Variants in UCKL1 observed in about 807,000 individuals in gnomAD.
UCKL1 encodes uridine-cytidine kinase-like 1.
Under a neutral mutation model 59.2 loss-of-function variants are expected in UCKL1, and 65 were observed. The observed-to-expected ratio is 1.10, with a 90% CI of 0.90 to 1.35. The LOEUF (loss-of-function observed/expected upper bound fraction) is 1.35. Among genes scored for constraint, UCKL1 ranks in the 40% most tolerant of loss-of-function variants. UCKL1 has a pLI of 0.00. For synonymous variants in UCKL1, 410 were observed against 323.1 expected (o/e 1.27, Z -2.88); for missense variants, 703 against 784.3 (o/e 0.90, Z 1.24).
Position 63,946,602 on chromosome 20 carries a change from C to T in UCKL1, c.155G>A (p.Gly52Asp), listed in dbSNP as rs146302159. ...ESLDRLLPPV[G>D]TGRSPRKRTT... Reference sequence around the variant, plus strand: ...CCGCTTCCGGGGAGAGCGCCCAGTGCCCACAGGTGGCAGGAGCCTGTCCAG... The same window carrying T: ...CCGCTTCCGGGGAGAGCGCCCAGTGTCCACAGGTGGCAGGAGCCTGTCCAG... Residue 52 changes from glycine (G) to aspartate (D), a missense_variant, in exon 2 of 15, where the codon GGC becomes GAC. Gly to Asp is a moderately conservative substitution (Grantham distance 94). Transcript: ENST00000354216. 9 of 1,610,672 alleles carry T rather than the reference C, an allele frequency of 5.6e-6. No homozygotes were observed. The highest frequency in any genetic ancestry group is 1.3e-5 in the African/African-American group (1 of 74,936).
rs771716144 is a variant in UCKL1 at position 63,945,851 on chromosome 20, T to G, written c.536A>C (p.Lys179Thr). The stretch of plus-strand genomic sequence containing the variant: ...CGTGGTGAAGTCATAAATGGGCACC[T>G]TGACACTCTTCCCCTGCTTCAGCTT... ...LKKLKQGKSV[K>T]VPIYDFTTHS... is the part of the protein sequence containing the mutation. The change falls in exon 4 of 15, where the codon AAG becomes ACG. Residue 179 changes from lysine (K) to threonine (T), a missense_variant. This residue lies in a region of UCKL1 where 398 missense variants were observed against 373.0 expected (regional missense o/e 1.07). Coordinates refer to ENST00000354216, the MANE Select transcript of UCKL1 (RefSeq NM_017859.4). 1 of 1,613,672 alleles carries G rather than the reference T, an allele frequency of 6.2e-7. No homozygotes were observed. The highest frequency in any genetic ancestry group is 8.5e-7 in the Non-Finnish European group (1 of 1,179,952).
In UCKL1 at chr20:63,946,642, T is replaced by C. The variant is rs1445563996; in HGVS notation, c.115A>G (p.Ser39Gly). 2 of 1,607,024 alleles carry C rather than the reference T, an allele frequency of 1.2e-6. No homozygotes were observed. The highest frequency in any genetic ancestry group is 3.3e-4 in the Middle Eastern group (2 of 5,992). ...AGCCTGTCCAGGGACTCTGCATTGCTGCTGCAGAGAGGGATGTACTCGGAT... is the reference window on the plus strand; with the variant it reads ...AGCCTGTCCAGGGACTCTGCATTGCCGCTGCAGAGAGGGATGTACTCGGAT... ...EKSETACEDRSNAESLDRLLP... is the reference protein window; with the variant it reads ...EKSETACEDRGNAESLDRLLP... The change falls in exon 2 of 15, where the codon AGC becomes GGC. Residue 39 changes from serine to glycine, a missense_variant and splice_region_variant. Around this residue, in one of 4 missense-constraint regions of UCKL1, gnomAD observed 398 missense variants for 373.0 expected, o/e 1.07. Transcript: ENST00000354216.
Position 63,939,897 on chromosome 20 carries a change from A to AATT in UCKL1, c.*76_*78dup. Reference sequence around the variant, plus strand: ...TAAATTATACTAGTAACATTTTAAAAATTAACATCTTTGTATTCAGCAGTC... The same window carrying AATT: ...TAAATTATACTAGTAACATTTTAAAAATTATTAACATCTTTGTATTCAGCAGTC... On this transcript the variant is annotated 3_prime_UTR_variant, in exon 15 of 15. Coordinates refer to ENST00000354216, the MANE Select transcript of UCKL1 (RefSeq NM_017859.4). 1 of 1,216,422 alleles carries AATT rather than the reference A, an allele frequency of 8.2e-7. No individual in the cohort carries two copies. The highest frequency in any genetic ancestry group is 1.2e-6 in the Non-Finnish European group (1 of 848,002). 75.4% of individuals were successfully genotyped at this position (1,216,422 alleles called of 1,614,324 possible). A position where few individuals can be genotyped will look rare whatever the true frequency, so the allele number is the denominator to read the frequency against.
At chr20:63,951,601 G>T (rs1224765492) in intron 1 of UCKL1, among the ~76,000 whole-genome samples, 1 of 152,112 alleles carries the variant, frequency 6.6e-6, no homozygotes, top group African/African-American at 2.4e-5. Context: ...CCCCACTCAC[G>T]GGGGATCCTG....
rs900365985 is a variant in UCKL1, at chr20:63,945,504, C to CTGGGGT, written c.654+141_654+146dup. ...GCAGATGGACCCAGCTGTGGCATGC[C>CTGGGGT]TGGGGTTGGGGTTGGGGTAGGGAGT... On this transcript the variant is annotated intron_variant, in intron 5 of 14. Coordinates refer to ENST00000354216, the MANE Select transcript of UCKL1 (RefSeq NM_017859.4). The CTGGGGT allele has an allele frequency of 4.1e-5, 32 of 788,048 alleles. No homozygotes were observed. The Admixed American group carries it at 4.8e-4, about 12-fold the overall frequency. 48.8% of individuals were successfully genotyped at this position (788,048 alleles called of 1,614,324 possible). A position where few individuals can be genotyped will look rare whatever the true frequency, so the allele number is the denominator to read the frequency against.
intron 8 of UCKL1, among the ~76,000 whole-genome samples, chr20:63,943,345 G>C (rs1369874441): frequency 2.6e-5 from 4 of 152,222 alleles, no homozygotes; most frequent in Non-Finnish European, 5.9e-5. Context: ...TGCTGGCTCA[G>C]GAGGACAGCT....
At position 63,939,870 on chromosome 20, in the gene UCKL1, A is replaced by G. The variant is rs914499190; in HGVS notation, c.*106T>C. On this transcript the variant is annotated 3_prime_UTR_variant, in exon 15 of 15. Transcript: ENST00000354216. ...TTTATTTATTTTATAAAATGCATAG[A>G]ATAAATTATACTAGTAACATTTTAA... The G allele has an allele frequency of 8.2e-6, 8 of 979,260 alleles. No individual in the cohort carries two copies. The highest frequency in any genetic ancestry group is 7.6e-6 in the Non-Finnish European group (5 of 657,074). The allele number at this position is 979,260 out of a possible 1,614,324, so 60.7% of individuals were successfully genotyped here.
rs144072009 is a variant in UCKL1, at chr20:63,940,283, C to T, written c.1434G>A (p.Lys478=). ...CCATGAGCAGCGACAGCAAAAAGAT[C>T]TTGTCCTCAGGCACGTCGTGGTCCT... ...VLLDHDVPED[K]IFLLSLLMAE... The change falls in exon 14 of 15, where the codon AAG becomes AAA. Residue 478 remains lysine (K), a synonymous_variant. Coordinates refer to ENST00000354216, the MANE Select transcript of UCKL1 (RefSeq NM_017859.4). The T allele has an allele frequency of 2.5e-6, 4 of 1,612,620 alleles. No individual in the cohort carries two copies. The highest frequency in any genetic ancestry group is 2.7e-5 in the African/African-American group (2 of 74,948).
At chr20:63,940,554 C>T (rs760905295) in intron 12 of UCKL1, 40 bp downstream of exon 12, 7 of 1,604,068 alleles carry the variant, frequency 4.4e-6, no homozygotes, top group African/African-American at 2.7e-5. Flanking sequence ...TCCCTCTGCC[C>T]CCTACCCCCG....
chr20:63,944,338 G>T, intron 7 of UCKL1, 59 bp downstream of exon 7: 1 of 1,487,984 alleles, frequency 6.7e-7, no homozygotes. Context: ...GGTGGTGGCA[G>T]CGGAGAAGTG....
At position 63,945,684 on chromosome 20, in the gene UCKL1, G is replaced by C. The variant is rs1017034626; in HGVS notation, c.621C>G (p.Gly207=). The change falls in exon 5 of 15, where the codon GGC becomes GGG. Residue 207 remains glycine, a synonymous_variant. Coordinates refer to ENST00000354216, the MANE Select transcript of UCKL1 (RefSeq NM_017859.4). ...LYGANVIIFE[G]IMAFADKTLL... ...GTGTCTTGTCAGCAAAGGCCATGATGCCCTCAAAGATGATGACGTTTGCAC... is the reference window on the plus strand; with the variant it reads ...GTGTCTTGTCAGCAAAGGCCATGATCCCCTCAAAGATGATGACGTTTGCAC... 1 of 1,612,996 alleles carries C rather than the reference G, an allele frequency of 6.2e-7. No individual in the cohort carries two copies. Among genetic ancestry groups the C allele is most frequent in the African/African-American group, 1.3e-5 (1 of 74,936 alleles).
chr20:63,947,993 G>A (rs2056704473), intron 1 of UCKL1, among the ~76,000 whole-genome samples: 2 of 151,838 alleles, frequency 1.3e-5, no homozygotes, highest in East Asian at 1.9e-4. Flanking sequence ...TGCCCTGCTG[G>A]GGGGTTGGGG....
rs1255656829 is a variant in UCKL1 at position 63,956,374 on chromosome 20, G to A, written c.-2C>T. 1 of 1,495,982 alleles carries A rather than the reference G, an allele frequency of 6.7e-7. No homozygotes were observed. The highest frequency in any genetic ancestry group is 8.9e-7 in the Non-Finnish European group (1 of 1,125,134). The allele number at this position is 1,495,982 out of a possible 1,614,324, so 92.7% of individuals were successfully genotyped here. A position where few individuals can be genotyped will look rare whatever the true frequency, so the allele number is the denominator to read the frequency against. ...CGCGCGGGCCGGGGGCGCAGCCATG[G>A]CGCTCGGAGGCCTCTTTGCGGGCCT... On this transcript the variant is annotated 5_prime_UTR_variant, in exon 1 of 15. Transcript: ENST00000354216.
chr20:63,946,938 C>T (rs1411115192), intron 1 of UCKL1, among the ~76,000 whole-genome samples: 1 of 151,958 alleles, frequency 6.6e-6, no homozygotes, highest in Non-Finnish European at 1.5e-5. Flanking sequence ...AAAAAAATTA[C>T]CTGGGTGCGG....
In UCKL1 at chr20:63,956,411, G is replaced by C. The variant is rs2058683041; in HGVS notation, c.-39C>G. Reference sequence around the variant, plus strand: ...CTCTTTGCGGGCCTGGCCGGGCGGCGCGCATGGGCCGCCGGGAGCTGGCGG... The same window carrying C: ...CTCTTTGCGGGCCTGGCCGGGCGGCCCGCATGGGCCGCCGGGAGCTGGCGG... On this transcript the variant is annotated 5_prime_UTR_variant, in exon 1 of 15. Coordinates refer to ENST00000354216, the MANE Select transcript of UCKL1 (RefSeq NM_017859.4). 1 of 1,353,042 alleles carries C rather than the reference G, an allele frequency of 7.4e-7. No homozygotes were observed. The highest frequency in any genetic ancestry group is 1.7e-5 in the South Asian group (1 of 58,058). The allele number at this position is 1,353,042 out of a possible 1,614,324, so 83.8% of individuals were successfully genotyped here.
chr20:63,947,155 G>C (rs926034948), intron 1 of UCKL1, among the ~76,000 whole-genome samples: 1 of 152,136 alleles, frequency 6.6e-6, no homozygotes, highest in African/African-American at 2.4e-5. Context: ...GCCTGGCACA[G>C]GGCCTCAGAT....
intron 8 of UCKL1, 136 bp downstream of exon 8, chr20:63,943,517 G>T: frequency 1.5e-6 from 2 of 1,305,040 alleles, no homozygotes; most frequent in South Asian, 1.3e-5. Context: ...CAGAAGCAGG[G>T]CTGGGACCAC....
chr20:63,950,853 G>C, intron 1 of UCKL1: 1 of 1,488,696 alleles, frequency 6.7e-7, no homozygotes, highest in Non-Finnish European at 8.9e-7. Flanking sequence ...GGGTGCTCCT[G>C]AACAGCAGAG....
intron 7 of UCKL1, among the ~76,000 whole-genome samples, chr20:63,943,902 C>T (rs1296281911): frequency 6.6e-6 from 1 of 152,224 alleles, no homozygotes; most frequent in Non-Finnish European, 1.5e-5. Flanking sequence ...CTGCAGGCCT[C>T]AGGCCTTCAA....
Sources: gnomAD v4.1 joint callset for allele counts (sites outside exome capture counted in the v4.1 genomes callset) on GRCh38, gnomAD v4.1.1 for gene constraint, gnomAD v4.1.1 regional missense constraint, MANE v1.5 for transcripts, NCBI Gene and HGNC (gene_info 2026-07-23, HGNC 2026-07-21) for gene names.